Variants in CDH13 observed in about 807,000 individuals in gnomAD.
CDH13 encodes cadherin-13.
In CDH13, 24 loss-of-function variants were observed where a neutral mutation model predicts 63.8. The observed-to-expected ratio is 0.38, with a 90% CI of 0.27 to 0.53. The LOEUF (loss-of-function observed/expected upper bound fraction) is 0.53, where lower values mean the gene tolerates loss of function less well. Ranked by LOEUF, CDH13 falls within the 20% of genes least tolerant of loss-of-function variation. The pLI is 0.85. For missense variants in CDH13, 1,049 were observed against 903.1 expected (o/e 1.16, Z -2.07); for synonymous variants, 503 against 355.3 (o/e 1.42, Z -4.67).
At chr16:83,578,226 A>C (rs546560675) in intron 7 of CDH13, among the ~76,000 whole-genome samples, 1 of 152,194 alleles carries the variant, frequency 6.6e-6, no homozygotes, top group South Asian at 2.1e-4. Context: ...TGGAGCAGGA[A>C]GAGTGTCTAG....
chr16:83,751,596 G>T (rs1466622676), intron 11 of CDH13, among the ~76,000 whole-genome samples: 2 of 152,212 alleles, frequency 1.3e-5, no homozygotes, highest in Non-Finnish European at 2.9e-5. Context: ...AGTGAAGTTA[G>T]TTGGGGAAAA....
chr16:82,805,766 A>G (rs531113568), intron 1 of CDH13, among the ~76,000 whole-genome samples: 1 of 152,328 alleles, frequency 6.6e-6, no homozygotes, highest in Admixed American at 6.5e-5. Flanking sequence ...TCCATCTTAA[A>G]GACATGGCTT....
At chr16:82,798,225 C>G (rs528848256) in intron 1 of CDH13, among the ~76,000 whole-genome samples, 1 of 152,134 alleles carries the variant, frequency 6.6e-6, no homozygotes, top group Non-Finnish European at 1.5e-5. Context: ...TGGATATCAT[C>G]CTCTCCAGTT....
chr16:83,437,174 C>A (rs1036793769), intron 6 of CDH13, among the ~76,000 whole-genome samples: 2 of 152,030 alleles, frequency 1.3e-5, no homozygotes, highest in African/African-American at 2.4e-5. Flanking sequence ...GTTAAAAGCA[C>A]AGAGTCCAGA....
chr16:82,836,268 C>T (rs568222685), intron 1 of CDH13, among the ~76,000 whole-genome samples: 1 of 152,274 alleles, frequency 6.6e-6, no homozygotes, highest in African/African-American at 2.4e-5. Context: ...CCTCCCTTAG[C>T]TTCCCAAGTA....
At chr16:82,850,283 C>T (rs2039429885) in intron 1 of CDH13, among the ~76,000 whole-genome samples, 1 of 152,074 alleles carries the variant, frequency 6.6e-6, no homozygotes, top group Admixed American at 6.6e-5. Context: ...GATTTCAATC[C>T]TCATGGATGA....
chr16:82,692,702 G>A lies in CDH13; in HGVS notation c.45+65565G>A, dbSNP rs888729647. ...ATGGCAGTGTGGTCCTTAGCAATCA[G>A]AGGAGAGAGAACGTGGGTTCTCTGT... On this transcript the variant is annotated intron_variant, in intron 1 of 13. Transcript: ENST00000567109. 2.3e-3 allele frequency among the ~76,000 whole-genome samples: 347 copies of A among 152,308 alleles called. 2 individuals carry two copies. Among genetic ancestry groups the A allele is most frequent in the African/African-American group, 7.8e-3 (323 of 41,552 alleles).
intron 7 of CDH13, among the ~76,000 whole-genome samples, chr16:83,552,247 T>C (rs1297710172): frequency 6.6e-6 from 1 of 152,152 alleles, no homozygotes. Flanking sequence ...TCCTGGGGAT[T>C]CTTTGTGCCA....
In CDH13 at chr16:83,086,147, G is replaced by A. The variant is rs961839459; in HGVS notation, c.367-39238G>A. Among the ~76,000 whole-genome samples the A allele has an allele frequency of 2.0e-5, 3 of 152,166 alleles. No homozygotes were observed. The South Asian group carries it at 6.2e-4, about 31-fold the overall frequency. On this transcript the variant is annotated intron_variant, in intron 3 of 13. Transcript: ENST00000567109. ...AATGAAATACCAAACTCAGATACCA[G>A]GCCACTGGTGTCTTCCAGTTCACTA...
chr16:82,756,308 C>A (rs1212221541), intron 1 of CDH13, among the ~76,000 whole-genome samples: 1 of 152,048 alleles, frequency 6.6e-6, no homozygotes, highest in Non-Finnish European at 1.5e-5. Context: ...AAGTGATATC[C>A]TTCTGATAGG....
intron 2 of CDH13, among the ~76,000 whole-genome samples, chr16:82,931,942 C>T (rs1403295190): frequency 6.6e-6 from 1 of 152,094 alleles, no homozygotes; most frequent in African/African-American, 2.4e-5. Flanking sequence ...ATGTCTAGTA[C>T]AGAGCTTGAC....
Position 83,222,070 on chromosome 16 carries a change from T to A in CDH13, c.636+4573T>A, listed in dbSNP as rs529380633. Among the ~76,000 whole-genome samples, 12 of 152,304 alleles carry A rather than the reference T, an allele frequency of 7.9e-5. No individual in the cohort carries two copies. In the South Asian group the frequency reaches 2.3e-3, roughly 29 times the overall value. The stretch of plus-strand genomic sequence containing the variant: ...GCCAAATACTCAGATGATGGTCTCA[T>A]CTCATCTTCATAAAGATAACCTTGA... On this transcript the variant is annotated intron_variant, in intron 5 of 13. Transcript: ENST00000567109.
At chr16:83,129,400 C>T (rs1487317684) in intron 4 of CDH13, among the ~76,000 whole-genome samples, 5 of 152,054 alleles carry the variant, frequency 3.3e-5, no homozygotes, top group African/African-American at 1.2e-4. Context: ...CAAATGAAGG[C>T]AGTTCATTTC....
At chr16:83,704,339 C>G (rs1906691546) in intron 10 of CDH13, among the ~76,000 whole-genome samples, 1 of 152,190 alleles carries the variant, frequency 6.6e-6, no homozygotes, top group South Asian at 2.1e-4. Flanking sequence ...CACTCATGTT[C>G]TCATTTCGAT....
In CDH13 at chr16:82,788,045, G is replaced by T. The variant is rs138141665; in HGVS notation, c.46-70317G>T. Reference sequence around the variant, plus strand: ...TAAGATTTAAAATCATCTTCAAGAAGTGCCCTGTTGGAATAATAAGTCAGT... The same window carrying T: ...TAAGATTTAAAATCATCTTCAAGAATTGCCCTGTTGGAATAATAAGTCAGT... On this transcript the variant is annotated intron_variant, in intron 1 of 13. Coordinates refer to ENST00000567109, the MANE Select transcript of CDH13 (RefSeq NM_001257.5). Among the ~76,000 whole-genome samples the T allele has an allele frequency of 4.0e-3, 603 of 152,248 alleles. 2 individuals are homozygous for T. The highest frequency in any genetic ancestry group is 0.014 in the African/African-American group (562 of 41,538).
At chr16:82,733,405 T>A (rs1226585535) in intron 1 of CDH13, among the ~76,000 whole-genome samples, 1 of 152,240 alleles carries the variant, frequency 6.6e-6, no homozygotes, top group African/African-American at 2.4e-5. Context: ...TGCGTGTATA[T>A]GTGAGTTTTT....
intron 3 of CDH13, among the ~76,000 whole-genome samples, chr16:83,054,540 T>C (rs972537756): frequency 9.2e-5 from 14 of 152,184 alleles, no homozygotes; most frequent in African/African-American, 3.4e-4. Flanking sequence ...GGATATTTAG[T>C]CACACTACTC....
At chr16:83,044,083 A>G (rs1917569450) in intron 3 of CDH13, among the ~76,000 whole-genome samples, 1 of 152,216 alleles carries the variant, frequency 6.6e-6, no homozygotes, top group African/African-American at 2.4e-5. Flanking sequence ...TTCCTACCAC[A>G]TGTTAGAACA....
chr16:83,660,865 G>C (rs1457906612), intron 8 of CDH13, among the ~76,000 whole-genome samples: 1 of 152,042 alleles, frequency 6.6e-6, no homozygotes, highest in East Asian at 1.9e-4. Context: ...TTTAAAGAGA[G>C]AAACTCAAGT....
Sources: gnomAD v4.1 joint callset for allele counts (sites outside exome capture counted in the v4.1 genomes callset) on GRCh38, gnomAD v4.1.1 for gene constraint, MANE v1.5 for transcripts, NCBI Gene and HGNC (gene_info 2026-07-23, HGNC 2026-07-21) for gene names.